The following METTL24 variants were observed in gnomAD, a reference collection of about 807,000 sequenced individuals.
The protein encoded by METTL24 is probable methyltransferase-like protein 24.
In METTL24, 29 loss-of-function variants were observed where a neutral mutation model predicts 32.7. That is an observed-to-expected ratio of 0.89 (90% CI 0.66 to 1.21). METTL24 has a LOEUF of 1.21. METTL24 is among the 50% of genes most tolerant of loss of function. The pLI, the probability that METTL24 is intolerant of heterozygous loss-of-function variation, is 0.00. For synonymous variants in METTL24, 163 were observed against 179.5 expected (o/e 0.91, Z 0.73); for missense variants, 439 against 468.1 (o/e 0.94, Z 0.57).
chr6:110,350,178 G>C (rs543386212), intron 1 of METTL24, among the ~76,000 whole-genome samples: 11 of 152,170 alleles, frequency 7.2e-5, no homozygotes, highest in Non-Finnish European at 1.0e-4. Context: ...CTCACACATG[G>C]GAAAGATATT....
chr6:110,336,547 T>G (rs939975455), intron 1 of METTL24, among the ~76,000 whole-genome samples: 1 of 152,058 alleles, frequency 6.6e-6, no homozygotes, highest in Admixed American at 6.6e-5. Context: ...GAGACCATCC[T>G]GGCTAACACG....
chr6:110,305,748 C>A (rs899244537), intron 3 of METTL24, among the ~76,000 whole-genome samples: 3 of 151,984 alleles, frequency 2.0e-5, no homozygotes, highest in Non-Finnish European at 2.9e-5. Flanking sequence ...TTAGTTCAAC[C>A]ATTGTGGAAG....
intron 1 of METTL24, among the ~76,000 whole-genome samples, chr6:110,343,740 A>G (rs955841968): frequency 2.0e-5 from 3 of 152,206 alleles, no homozygotes; most frequent in Non-Finnish European, 4.4e-5. Flanking sequence ...ATGGCCAAGA[A>G]AACTTTAATC....
rs142584648 is a variant in METTL24 at position 110,309,736 on chromosome 6, C to G, written c.557+5606G>C. ...AGACCTGCGCCCATGATTCAATTAT[C>G]TCAAACCAGGTCCCTCCCACAACAT... On this transcript the variant is annotated intron_variant, in intron 3 of 4. Coordinates refer to ENST00000338882, the MANE Select transcript of METTL24 (RefSeq NM_001123364.3). Among the ~76,000 whole-genome samples, 15 of 152,274 alleles carry G rather than the reference C, an allele frequency of 9.9e-5. No individual in the cohort carries two copies. In the East Asian group the frequency reaches 2.9e-3, roughly 29 times the overall value.
At chr6:110,329,814 G>A (rs1011164359) in intron 1 of METTL24, among the ~76,000 whole-genome samples, 4 of 152,186 alleles carry the variant, frequency 2.6e-5, no homozygotes, top group Non-Finnish European at 5.9e-5. Context: ...TAAAAACAAA[G>A]GATCTCAGTT....
intron 1 of METTL24, among the ~76,000 whole-genome samples, chr6:110,324,117 T>C (rs914311556): frequency 1.3e-5 from 2 of 152,148 alleles, no homozygotes; most frequent in Admixed American, 6.5e-5. Flanking sequence ...GGTTAGTCTA[T>C]GTGAAGCCAG....
At chr6:110,327,901 G>A (rs1400150170) in intron 1 of METTL24, among the ~76,000 whole-genome samples, 3 of 152,170 alleles carry the variant, frequency 2.0e-5, no homozygotes, top group Admixed American at 2.0e-4. Context: ...CAAATATCAA[G>A]TGGCCATAAC....
chr6:110,302,532 TACACATATAC>T (rs1771542281), intron 3 of METTL24, among the ~76,000 whole-genome samples: 1 of 74,608 alleles, frequency 1.3e-5, no homozygotes, highest in Non-Finnish European at 2.6e-5. Flanking sequence ...TGTGTATATA[TACACATATAC>T]ACACACATAT....
At chr6:110,292,708 G>C (rs908432714) in intron 4 of METTL24, among the ~76,000 whole-genome samples, 1 of 151,594 alleles carries the variant, frequency 6.6e-6, no homozygotes, top group Admixed American at 6.6e-5. Context: ...CCTAACTCCA[G>C]AATTTTTTTT....
chr6:110,348,310 G>A (rs1395557426), intron 1 of METTL24, among the ~76,000 whole-genome samples: 1 of 152,216 alleles, frequency 6.6e-6, no homozygotes, highest in Non-Finnish European at 1.5e-5. Flanking sequence ...TTAAACTGCT[G>A]ACTGCAAGTA....
chr6:110,327,090 T>C (rs1179549153), intron 1 of METTL24, among the ~76,000 whole-genome samples: 1 of 152,162 alleles, frequency 6.6e-6, no homozygotes, highest in Non-Finnish European at 1.5e-5. Flanking sequence ...TTATAGGGGC[T>C]CTGACAGAGA....
intron 4 of METTL24, among the ~76,000 whole-genome samples, chr6:110,271,489 T>C (rs1197409326): frequency 6.6e-6 from 1 of 152,120 alleles, no homozygotes; most frequent in Non-Finnish European, 1.5e-5. Flanking sequence ...ACATTTTCAA[T>C]TTTTTGTTTC....
At chr6:110,327,873 C>T (rs1289205028) in intron 1 of METTL24, among the ~76,000 whole-genome samples, 1 of 152,154 alleles carries the variant, frequency 6.6e-6, no homozygotes, top group Non-Finnish European at 1.5e-5. Flanking sequence ...ACATTAAATG[C>T]CTATCATCCA....
Position 110,346,269 on chromosome 6 carries a change from G to A in METTL24, c.318+11686C>T, listed in dbSNP as rs73763039. 5.1e-3 allele frequency among the ~76,000 whole-genome samples: 777 copies of A among 152,326 alleles called. 4 individuals carry two copies. Among genetic ancestry groups the A allele is most frequent in the African/African-American group, 0.017 (699 of 41,560 alleles). On this transcript the variant is annotated intron_variant, in intron 1 of 4. Transcript: ENST00000338882. Reference sequence around the variant, plus strand: ...AGCCAGTATTTCCTGAGAACCTACTGTGTGCCAGAACTATCATAGTCACTG... The same window carrying A: ...AGCCAGTATTTCCTGAGAACCTACTATGTGCCAGAACTATCATAGTCACTG...
At chr6:110,356,159 G>C (rs530142395) in intron 1 of METTL24, among the ~76,000 whole-genome samples, 4 of 152,314 alleles carry the variant, frequency 2.6e-5, no homozygotes, top group South Asian at 2.1e-4. Context: ...ACATCACAGT[G>C]TTGGCCAGGC....
At chr6:110,312,117 C>T (rs963245626) in intron 3 of METTL24, among the ~76,000 whole-genome samples, 8 of 152,134 alleles carry the variant, frequency 5.3e-5, no homozygotes, top group African/African-American at 1.9e-4. Context: ...CCTCACTAAT[C>T]ATCAGGAAAA....
Position 110,315,202 on chromosome 6 carries a change from A to G in METTL24, c.557+140T>C, listed in dbSNP as rs1360548071. 3.0e-6 allele frequency: 3 copies of G among 990,218 alleles called. No individual in the cohort carries two copies. The African/African-American group carries it at 4.8e-5, about 16-fold the overall frequency. 61.3% of individuals were successfully genotyped at this position (990,218 alleles called of 1,614,324 possible). On this transcript the variant is annotated intron_variant, in intron 3 of 4. Transcript: ENST00000338882. ...ATGCCTCCAGTTACACAACAGACAG[A>G]TCAGTCTGAAATGATGACAGGAGGC...
At chr6:110,345,968 T>C (rs1416893485) in intron 1 of METTL24, among the ~76,000 whole-genome samples, 1 of 152,186 alleles carries the variant, frequency 6.6e-6, no homozygotes, top group Non-Finnish European at 1.5e-5. Flanking sequence ...AAAGTTAGTT[T>C]TTCCTAACAT....
chr6:110,315,345 A>G lies in METTL24; in HGVS notation c.554T>C (p.Leu185Ser). Reference sequence around the variant, plus strand: ...TGCTGTAAAAAAATGTACTCACCCTAAGGAGTAGAGGCGGCACTGCTTGTT... The same window carrying G: ...TGCTGTAAAAAAATGTACTCACCCTGAGGAGTAGAGGCGGCACTGCTTGTT... ...IRNKQCRLYS[L>S]GLGSDDTHFE... is the part of the protein sequence containing the mutation. Residue 185 changes from leucine (L) to serine (S), a missense_variant, in exon 3 of 5, where the codon TTA becomes TCA. Transcript: ENST00000338882. 4 of 1,614,116 alleles carry G rather than the reference A, an allele frequency of 2.5e-6. No homozygotes were observed. The highest frequency in any genetic ancestry group is 3.4e-6 in the Non-Finnish European group (4 of 1,180,020).
Sources: allele counts gnomAD v4.1 joint callset (sites outside exome capture counted in the v4.1 genomes callset), GRCh38; gene constraint gnomAD v4.1.1; transcripts MANE v1.5; gene names NCBI Gene and HGNC (gene_info 2026-07-23, HGNC 2026-07-21).